Variants in AGMO observed in about 807,000 individuals in gnomAD.
The protein encoded by AGMO is alkylglycerol monooxygenase.
AGMO carries 75 observed loss-of-function variants against 60.2 expected under a neutral mutation model. That is an observed-to-expected ratio of 1.25 (90% confidence interval 1.03 to 1.51). The LOEUF (loss-of-function observed/expected upper bound fraction) is 1.51, where lower values mean the gene tolerates loss of function less well. AGMO is among the 40% of genes most tolerant of loss of function. The probability of loss-of-function intolerance (pLI) is 0.00; values close to 1 mark genes in which losing one functional copy is unlikely to be tolerated. For synonymous variants in AGMO, 261 were observed against 177.1 expected, an observed-to-expected ratio of 1.47 and a Z score of -3.76; for missense variants, 763 against 525.5, an observed-to-expected ratio of 1.45 and a Z score of -4.42.
intron 12 of AGMO, among the ~76,000 whole-genome samples, chr7:15,288,364 G>A (rs1388115904): frequency 6.6e-6 from 1 of 152,044 alleles, no homozygotes; most frequent in African/African-American, 2.4e-5. Context: ...ATCCTACTTA[G>A]CCAGGGTTTT....
intron 10 of AGMO, among the ~76,000 whole-genome samples, chr7:15,379,034 C>T (rs1316858912): frequency 6.6e-6 from 1 of 151,876 alleles, no homozygotes. Flanking sequence ...GAAATTAAGG[C>T]AAAAGTTTCA....
At chr7:15,303,324 A>T (rs1016237342) in intron 12 of AGMO, among the ~76,000 whole-genome samples, 6 of 152,090 alleles carry the variant, frequency 3.9e-5, no homozygotes, top group Non-Finnish European at 8.8e-5. Context: ...TTATTTTTGT[A>T]TTTAAGATAC....
chr7:15,121,334 C>T, the AGMO span, among the ~76,000 whole-genome samples: 2 of 152,090 alleles, frequency 1.3e-5, no homozygotes, highest in East Asian at 1.9e-4. Flanking sequence ...TGGGTATATA[C>T]CCAGTGATGG....
At chr7:15,303,737 G>T (rs1780523685) in intron 12 of AGMO, among the ~76,000 whole-genome samples, 1 of 152,072 alleles carries the variant, frequency 6.6e-6, no homozygotes, top group South Asian at 2.1e-4. Flanking sequence ...ATGGAAAAAT[G>T]AAATATTAAG....
the AGMO span, among the ~76,000 whole-genome samples, chr7:15,124,125 T>C: frequency 6.6e-6 from 1 of 152,082 alleles, no homozygotes; most frequent in Non-Finnish European, 1.5e-5. Flanking sequence ...GTTTCCCACA[T>C]AGAGTTTCAC....
chr7:15,385,468 TC>T lies in AGMO; in HGVS notation c.1051del (p.Glu351LysfsTer17). The stretch of plus-strand genomic sequence containing the variant: ...TACAGCTGTATCTGCAAAGGTCTCT[TC>T]ATAAAATGCCAACATCAGAGCAAAC... ...VQFALMLAFY[E>X]ETFADTAALS... is the part of the protein sequence containing the mutation. On this transcript the variant is annotated frameshift_variant, in exon 10 of 13. Coordinates refer to ENST00000342526, the MANE Select transcript of AGMO (RefSeq NM_001004320.2). LOFTEE classifies it high-confidence loss of function. The T allele has an allele frequency of 6.2e-7, 1 of 1,601,342 alleles. No individual in the cohort carries two copies. The highest frequency in any genetic ancestry group is 1.1e-5 in the South Asian group (1 of 90,678).
intron 3 of AGMO, among the ~76,000 whole-genome samples, chr7:15,500,023 G>A (rs893969726): frequency 6.6e-6 from 1 of 151,078 alleles, no homozygotes; most frequent in African/African-American, 2.4e-5. Context: ...GATGGATAAA[G>A]ACAAAACTAG....
intron 3 of AGMO, among the ~76,000 whole-genome samples, chr7:15,518,013 G>C (rs116260862): frequency 0.01 from 1,556 of 152,240 alleles, 14 homozygotes; most frequent in African/African-American, 0.035. Flanking sequence ...ACTGAGACTT[G>C]AGTAGGTGGT....
intron 12 of AGMO, among the ~76,000 whole-genome samples, chr7:15,238,183 T>C (rs2128501859): frequency 6.6e-6 from 1 of 152,228 alleles, no homozygotes; most frequent in East Asian, 1.9e-4. Context: ...GAATAACTTT[T>C]TCATAGGCAT....
chr7:15,194,865 C>T, the AGMO span, among the ~76,000 whole-genome samples: 1 of 152,112 alleles, frequency 6.6e-6, no homozygotes. Flanking sequence ...GAGAATTAGC[C>T]CCCTTTAGGC....
chr7:15,243,295 A>G (rs1433755761), intron 12 of AGMO, among the ~76,000 whole-genome samples: 1 of 152,140 alleles, frequency 6.6e-6, no homozygotes, highest in Non-Finnish European at 1.5e-5. Context: ...AAGCAGCTAC[A>G]GCATTATTCT....
intron 3 of AGMO, among the ~76,000 whole-genome samples, chr7:15,501,603 T>C (rs1252301490): frequency 2.0e-5 from 3 of 151,728 alleles, no homozygotes; most frequent in Non-Finnish European, 4.4e-5. Context: ...AGAGGTGAAA[T>C]AAAAGATAAT....
At chr7:15,174,924 C>A in the AGMO span, among the ~76,000 whole-genome samples, 2 of 151,596 alleles carry the variant, frequency 1.3e-5, no homozygotes, top group African/African-American at 2.4e-5. Context: ...AAACTTAATT[C>A]TTTTCTTTTA....
At chr7:15,290,330 G>GATC (rs1338847869) in intron 12 of AGMO, among the ~76,000 whole-genome samples, 1 of 152,064 alleles carries the variant, frequency 6.6e-6, no homozygotes, top group Non-Finnish European at 1.5e-5. Context: ...CCTGGCCAAA[G>GATC]ATCTCTTAGA....
chr7:15,313,684 C>T (rs1466351480), intron 12 of AGMO, among the ~76,000 whole-genome samples: 1 of 152,072 alleles, frequency 6.6e-6, no homozygotes, highest in East Asian at 1.9e-4. Flanking sequence ...AAGTTTCATT[C>T]CAAGACCTCC....
chr7:15,135,307 C>T, the AGMO span, among the ~76,000 whole-genome samples: 4 of 151,910 alleles, frequency 2.6e-5, no homozygotes, highest in Non-Finnish European at 2.9e-5. Context: ...GGGAAGCTAT[C>T]GAAGCTGATC....
At position 15,390,860 on chromosome 7, in the gene AGMO, A is replaced by G. The variant is rs1185709384; in HGVS notation, c.722T>C (p.Ile241Thr). ...CTTACCAAAAATTTTATCCCAAATA[A>G]TAAGAACACCAGCATAATTTTTGTC... ...CIDKNYAGVL[I>T]IWDKIFGTFE... Residue 241 changes from isoleucine (I) to threonine (T), a missense_variant, in exon 7 of 13, where the codon ATT becomes ACT. Physicochemically the swap from Ile to Thr is moderately conservative, Grantham distance 89. Transcript: ENST00000342526. 2 of 1,605,632 alleles carry G rather than the reference A, an allele frequency of 1.2e-6. No individual in the cohort carries two copies. The highest frequency in any genetic ancestry group is 1.1e-5 in the South Asian group (1 of 89,164).
intron 12 of AGMO, among the ~76,000 whole-genome samples, chr7:15,322,901 A>AAT (rs143738101): frequency 0.078 from 11,454 of 146,232 alleles, 651 homozygotes; most frequent in South Asian, 0.22. Context: ...TACAGGAAAA[A>AAT]ATATATATAT....
rs34074240 is a variant in AGMO at position 15,455,081 on chromosome 7, T to TCACA, written c.410-23977_410-23974dup. Among the ~76,000 whole-genome samples the TCACA allele has an allele frequency of 4.2e-3, 612 of 146,220 alleles. 3 individuals carry two copies. The highest frequency in any genetic ancestry group is 0.015 in the East Asian group (75 of 4,906). On this transcript the variant is annotated intron_variant, in intron 3 of 12. Coordinates refer to ENST00000342526, the MANE Select transcript of AGMO (RefSeq NM_001004320.2). ...TGCATTTTCTTTCTCTCTCTCTTTC[T>TCACA]CACACACACACACACACACACACAC...
Sources: allele counts gnomAD v4.1 joint callset (sites outside exome capture counted in the v4.1 genomes callset), GRCh38; gene constraint gnomAD v4.1.1; transcripts MANE v1.5; gene names NCBI Gene and HGNC (gene_info 2026-07-23, HGNC 2026-07-21).